AP3D1: variants seen among roughly 807,000 people sequenced by gnomAD.
The protein encoded by AP3D1 is adaptor related protein complex 3 subunit delta 1, also known as AP-3 complex subunit delta-1.
A neutral mutation model predicts 147.6 loss-of-function variants in AP3D1; 51 were observed. The ratio of observed to expected loss-of-function variants is 0.35; its 90% CI spans 0.28 to 0.44. AP3D1 has a LOEUF of 0.44. Ranked by LOEUF, AP3D1 falls within the 20% of genes least tolerant of loss-of-function variation. AP3D1 has a pLI of 1.00. For missense variants in AP3D1, 1,421 were observed against 1,624.2 expected (o/e 0.87, Z 2.15); for synonymous variants, 760 against 663.0 (o/e 1.15, Z -2.25).
chr19:2,159,890 G>A (rs555850789), intron 1 of AP3D1, among the ~76,000 whole-genome samples: 19 of 151,446 alleles, frequency 1.3e-4, no homozygotes, highest in African/African-American at 4.6e-4. Flanking sequence ...CTAATTTTTT[G>A]TATTTTTAGT....
chr19:2,116,519 C>A (rs935985986), intron 17 of AP3D1, 86 bp downstream of exon 17: 51 of 1,449,124 alleles, frequency 3.5e-5, no homozygotes, highest in Non-Finnish European at 4.3e-5. Context: ...AGGGCCAGGA[C>A]CCACAGAGGC....
At chr19:2,153,352 C>T (rs1345407978), upstream of AP3D1, among the ~76,000 whole-genome samples, 3 of 134,118 alleles carry the variant, frequency 2.2e-5, no homozygotes, top group Non-Finnish European at 4.8e-5. Flanking sequence ...CTAGGCTGGG[C>T]AAAAGAGCGA....
intron 30 of AP3D1, 26 bp from the exon 31 acceptor site, chr19:2,108,792 C>G (rs1285796812): frequency 6.4e-7 from 1 of 1,553,104 alleles, no homozygotes; most frequent in Non-Finnish European, 8.7e-7. Context: ...CAGTGTTAGG[C>G]TTCCCGGACA....
At chr19:2,111,903 C>A (rs757550445) in intron 24 of AP3D1, 75 bp from the exon 25 acceptor site, 157 of 1,597,078 alleles carry the variant, frequency 9.8e-5, no homozygotes, top group Non-Finnish European at 1.3e-4. Context: ...AGGTCAGGAT[C>A]ACAGCAGGGC....
intron 15 of AP3D1, 22 bp from the exon 16 acceptor site, chr19:2,117,389 C>A: frequency 6.4e-7 from 1 of 1,555,462 alleles, no homozygotes; most frequent in South Asian, 1.2e-5. Flanking sequence ...ACAGGGGTCA[C>A]TGCTGGCACC....
At chr19:2,115,000 G>A (rs1484044348) in intron 20 of AP3D1, among the ~76,000 whole-genome samples, 179 bp from the exon 21 acceptor site, 2 of 152,306 alleles carry the variant, frequency 1.3e-5, no homozygotes, top group East Asian at 3.9e-4. Flanking sequence ...GCCCCAGGAC[G>A]CAGCCAACCT....
At chr19:2,129,497 C>T in intron 6 of AP3D1, 40 bp from the exon 7 acceptor site, 3 of 1,593,766 alleles carry the variant, frequency 1.9e-6, no homozygotes, top group Non-Finnish European at 2.6e-6. Context: ...CCTGTCCTTC[C>T]ACCTAGAAAA....
intron 11 of AP3D1, 129 bp from the exon 12 acceptor site, chr19:2,122,008 C>G: frequency 1.9e-6 from 2 of 1,071,510 alleles, no homozygotes; most frequent in Non-Finnish European, 2.6e-6. Context: ...TGGGGGTGGA[C>G]AGAGCAAGTA....
intron 1 of AP3D1, among the ~76,000 whole-genome samples, chr19:2,143,786 A>T (rs1408984438): frequency 1.3e-5 from 2 of 151,682 alleles, no homozygotes; most frequent in Non-Finnish European, 2.9e-5. Flanking sequence ...AAAAAAGGAA[A>T]TAAATGAAAG....
chr19:2,102,285 G>T lies in AP3D1; in HGVS notation c.3553-17C>A. ...GTTCTCACCCTGTGTAAGGAAAAAA[G>T]ATGGATATTTTAAAAGTGTGTGCAG... On this transcript the variant is annotated splice_polypyrimidine_tract_variant and intron_variant, in intron 31 of 31. Transcript: ENST00000643116. 6.2e-7 allele frequency: 1 copy of T among 1,602,064 alleles called. No individual in the cohort carries two copies. Among genetic ancestry groups the T allele is most frequent in the Non-Finnish European group, 8.6e-7 (1 of 1,169,532 alleles).
chr19:2,144,042 C>T (rs1032533651), intron 1 of AP3D1, among the ~76,000 whole-genome samples: 7 of 150,778 alleles, frequency 4.6e-5, no homozygotes, highest in Non-Finnish European at 8.8e-5. Flanking sequence ...GCCGAGATCG[C>T]GCCATTGCAC....
At chr19:2,127,690 A>T (rs1025545611) in intron 8 of AP3D1, among the ~76,000 whole-genome samples, 6 of 152,046 alleles carry the variant, frequency 3.9e-5, no homozygotes, top group Admixed American at 6.6e-5. Context: ...ACGCCCGGCT[A>T]ATTTTTGTAT....
chr19:2,162,252 G>A (rs2144610773), intron 1 of AP3D1, among the ~76,000 whole-genome samples: 1 of 149,972 alleles, frequency 6.7e-6, no homozygotes, highest in Admixed American at 6.6e-5. Flanking sequence ...TAGCCAGGAT[G>A]GTCTCGATCT....
chr19:2,149,665 G>A (rs530213113), intron 1 of AP3D1, among the ~76,000 whole-genome samples: 24 of 152,188 alleles, frequency 1.6e-4, no homozygotes, highest in African/African-American at 5.5e-4. Flanking sequence ...GGGCTTCCCA[G>A]TGAAGACAGG....
In AP3D1 at chr19:2,141,299, G is replaced by T. The variant is rs1460660579; in HGVS notation, c.97-2585C>A. Among the ~76,000 whole-genome samples the T allele has an allele frequency of 5.3e-5, 8 of 152,150 alleles. No homozygotes were observed. The East Asian group carries it at 1.5e-3, about 29-fold the overall frequency. ...GCAAGTGAGATACTAAAACAATGAT[G>T]CTGGTCTCAGCATCTATTTAATTCT... On this transcript the variant is annotated intron_variant, in intron 1 of 31. Transcript: ENST00000643116.
intron 31 of AP3D1, among the ~76,000 whole-genome samples, chr19:2,107,296 A>C (rs748193503): frequency 1.3e-4 from 19 of 151,658 alleles, no homozygotes; most frequent in Non-Finnish European, 2.4e-4. Flanking sequence ...TCAAAACCAC[A>C]ACAGACCTCT....
chr19:2,136,942 G>A lies in AP3D1; in HGVS notation c.354+69C>T. The A allele has an allele frequency of 2.1e-6, 3 of 1,430,738 alleles. No individual in the cohort carries two copies. In the South Asian group the frequency reaches 3.7e-5, roughly 18 times the overall value. 88.6% of individuals were successfully genotyped at this position (1,430,738 alleles called of 1,614,324 possible). On this transcript the variant is annotated intron_variant, in intron 4 of 31. Transcript: ENST00000643116. The stretch of plus-strand genomic sequence containing the variant: ...CTGCTGCCCACAGGAAGACGCGTGT[G>A]GGAACCAGACGCTCCGGCAAGGGCA...
intron 1 of AP3D1, among the ~76,000 whole-genome samples, chr19:2,157,817 G>A (rs956145510): frequency 5.9e-5 from 9 of 152,202 alleles, no homozygotes; most frequent in Non-Finnish European, 1.3e-4. Context: ...GCTGTAGGCA[G>A]CAGCAGGATT....
intron 21 of AP3D1, 116 bp downstream of exon 21, chr19:2,114,632 A>ACCCCCCCCCCCCCCCCCC: frequency 2.3e-6 from 1 of 432,948 alleles, no homozygotes; most frequent in Non-Finnish European, 4.5e-6. Flanking sequence ...GCCCGCCCGC[A>ACCCCCCCCCCCCCCCCCC]CCCCACCCCA....
Sources: gnomAD v4.1 joint callset for allele counts (sites outside exome capture counted in the v4.1 genomes callset) on GRCh38, gnomAD v4.1.1 for gene constraint, MANE v1.5 for transcripts, NCBI Gene and HGNC (gene_info 2026-07-23, HGNC 2026-07-21) for gene names.